Variants in PTCH2 observed in about 807,000 individuals in gnomAD.
PTCH2 encodes the protein protein patched homolog 2.
In PTCH2, 96 loss-of-function variants were observed where a neutral mutation model predicts 117.9. The ratio of observed to expected loss-of-function variants is 0.81; its 90% CI spans 0.69 to 0.96. The LOEUF is 0.96. Among genes scored for constraint, PTCH2 ranks in the 50% least tolerant of loss-of-function variants. PTCH2 has a pLI of 0.00. For synonymous variants in PTCH2, 615 were observed against 660.9 expected (o/e 0.93, Z 1.06); for missense variants, 1,379 against 1,562.5 (o/e 0.88, Z 1.98).
downstream of PTCH2, chr1:44,821,843 T>A: frequency 7.3e-7 from 1 of 1,364,892 alleles, no homozygotes; most frequent in Non-Finnish European, 9.8e-7. Context: ...AGCTAATACC[T>A]CAGGTCCTGG....
At chr1:44,837,700 TA>T (rs1185950226) in intron 2 of PTCH2, among the ~76,000 whole-genome samples, 3 of 152,036 alleles carry the variant, frequency 2.0e-5, no homozygotes, top group African/African-American at 7.2e-5. Flanking sequence ...ACGCCTGGCC[TA>T]AAAGCATTCT....
intron 2 of PTCH2, among the ~76,000 whole-genome samples, chr1:44,839,438 G>A (rs7554177): frequency 0.35 from 52,446 of 149,454 alleles, 9,420 homozygotes; most frequent in East Asian, 0.44. Flanking sequence ...GGACAAGAGT[G>A]ATATTCTGAA....
chr1:44,839,960 G>C (rs904683226), intron 2 of PTCH2, among the ~76,000 whole-genome samples: 1 of 152,046 alleles, frequency 6.6e-6, no homozygotes. Flanking sequence ...CTCCAACCTG[G>C]GTTCTGCCTT....
chr1:44,842,946 G>T lies in PTCH2; in HGVS notation c.-14C>A. 6.5e-7 allele frequency: 1 copy of T among 1,533,868 alleles called. No individual in the cohort carries two copies. The highest frequency in any genetic ancestry group is 1.2e-5 in the South Asian group (1 of 82,082). On this transcript the variant is annotated 5_prime_UTR_variant, in exon 1 of 22. Transcript: ENST00000372192. The stretch of plus-strand genomic sequence containing the variant: ...CGATCGAGTCATGCTGGCGGGGATG[G>T]GGGGCGCGGGCGCCCCCAACCCGCG...
intron 2 of PTCH2, 140 bp from the exon 3 acceptor site, chr1:44,832,481 G>C (rs1371944269): frequency 2.3e-6 from 2 of 863,880 alleles, no homozygotes; most frequent in Non-Finnish European, 3.6e-6. Context: ...ATCCCTGAGG[G>C]CCTGGTCATG....
At chr1:44,820,270 C>G, downstream of PTCH2, 1 of 440,630 alleles carries the variant, frequency 2.3e-6, no homozygotes, top group Non-Finnish European at 4.6e-6. Flanking sequence ...CACTGATCTC[C>G]TTTGCTCTCC....
intron 11 of PTCH2, 125 bp downstream of exon 11, chr1:44,828,856 TC>T: frequency 8.1e-7 from 1 of 1,238,602 alleles, no homozygotes; most frequent in African/African-American, 1.5e-5. Flanking sequence ...CACTATTATT[TC>T]CCCTGTTTAC....
Position 44,822,764 on chromosome 1 carries a change from C to G in PTCH2, c.3358-95G>C, listed in dbSNP as rs939734688. ...GGGGATTACCATGACTGTTGGGAAG[C>G]TGGGGCCCTTGTTGGTCTCCAGCAG... On this transcript the variant is annotated intron_variant, in intron 21 of 21. Transcript: ENST00000372192. 3 of 1,361,326 alleles carry G rather than the reference C, an allele frequency of 2.2e-6. No homozygotes were observed. In the African/African-American group the frequency reaches 4.3e-5, roughly 20 times the overall value. The allele number at this position is 1,361,326 out of a possible 1,614,324, so 84.3% of individuals were successfully genotyped here. A position where few individuals can be genotyped will look rare whatever the true frequency, so the allele number is the denominator to read the frequency against.
chr1:44,819,942 G>A (rs540658149), downstream of PTCH2: 108 of 153,374 alleles, frequency 7.0e-4, 1 homozygote, highest in South Asian at 1.9e-3. Context: ...TTCTCTCCAC[G>A]GAAATCTTTA....
intron 2 of PTCH2, among the ~76,000 whole-genome samples, chr1:44,840,217 C>T (rs1199000044): frequency 6.6e-6 from 1 of 150,956 alleles, no homozygotes; most frequent in African/African-American, 2.4e-5. Context: ...ATTCTCCTGT[C>T]TCCGCTTCCC....
At chr1:44,842,273 CCTTT>C (rs1653982438) in intron 1 of PTCH2, among the ~76,000 whole-genome samples, 1 of 125,576 alleles carries the variant, frequency 8.0e-6, no homozygotes, top group African/African-American at 3.1e-5. Flanking sequence ...TGTTTTCTCT[CCTTT>C]TTTTTTTTTT....
In PTCH2 at chr1:44,831,592, G is replaced by C; in HGVS notation, c.617+114C>G. 9.6e-7 allele frequency: 1 copy of C among 1,039,400 alleles called. No homozygotes were observed. Among genetic ancestry groups the C allele is most frequent in the Non-Finnish European group, 1.5e-6 (1 of 686,540 alleles). The allele number at this position is 1,039,400 out of a possible 1,614,324, so 64.4% of individuals were successfully genotyped here. On this transcript the variant is annotated intron_variant, in intron 5 of 21. Transcript: ENST00000372192. This position sits in a 1 kb window ranked among gnomAD's most constrained non-coding sequence, Gnocchi z 4.3. ...GCCCATGCTCTCTGTTCCTGGCCTGGGAGGTAATTAGGACCTTGGTAAGGT... is the reference window on the plus strand; with the variant it reads ...GCCCATGCTCTCTGTTCCTGGCCTGCGAGGTAATTAGGACCTTGGTAAGGT...
At chr1:44,825,684 G>A (rs915773626) in intron 19 of PTCH2, among the ~76,000 whole-genome samples, 13 of 151,288 alleles carry the variant, frequency 8.6e-5, no homozygotes, top group African/African-American at 2.2e-4. Context: ...GAGCCACCAC[G>A]CCCAGCTAAT....
At position 44,836,022 on chromosome 1, in the gene PTCH2, T is replaced by C. The variant is rs895033887; in HGVS notation, c.266-3681A>G. 5.3e-5 allele frequency among the ~76,000 whole-genome samples: 8 copies of C among 152,200 alleles called. 1 individual carries two copies. The highest frequency in any genetic ancestry group is 1.0e-4 in the Non-Finnish European group (7 of 68,002). On this transcript the variant is annotated intron_variant, in intron 2 of 21. Transcript: ENST00000372192. ...GGGGACTGACTTGGCCAGATGGAGA[T>C]TGGCCACAGGGTGGTGCTGTGGAGG...
chr1:44,820,683 C>T, downstream of PTCH2: 1 of 717,666 alleles, frequency 1.4e-6, no homozygotes, highest in Non-Finnish European at 2.6e-6. Flanking sequence ...GGGTGGGAGG[C>T]AGAGGCTAGA....
In PTCH2 at chr1:44,822,177, G is replaced by A; in HGVS notation, c.*238C>T. The A allele has an allele frequency of 7.0e-7, 1 of 1,432,786 alleles. No individual in the cohort carries two copies. Among genetic ancestry groups the A allele is most frequent in the East Asian group, 2.5e-5 (1 of 39,378 alleles). The allele number at this position is 1,432,786 out of a possible 1,614,324, so 88.8% of individuals were successfully genotyped here. A position where few individuals can be genotyped will look rare whatever the true frequency, so the allele number is the denominator to read the frequency against. On this transcript the variant is annotated 3_prime_UTR_variant, in exon 22 of 22. Transcript: ENST00000372192. ...GGAAGGGGGACAGGGCTGCACTGCA[G>A]CCCCAAGTGCCAGCTTTCACTCTCA...
intron 16 of PTCH2, 28 bp downstream of exon 16, chr1:44,827,139 T>C: frequency 2.5e-6 from 4 of 1,613,988 alleles, no homozygotes; most frequent in South Asian, 2.2e-5. Context: ...GCCCCTGTAC[T>C]AGTGGACCCC....
chr1:44,828,375 G>T lies in PTCH2; in HGVS notation c.1630C>A (p.Leu544Ile). Reference protein sequence around the residue: ...VVGCTFVAVMLVFPAILSLDL... With the variant: ...VVGCTFVAVMIVFPAILSLDL... ...AGGCTGAGGATGGCTGGGAAGACAA[G>T]CATCACGGCTACAAAGGTGCAGCCA... Residue 544 changes from leucine (L) to isoleucine (I), a missense_variant, in exon 13 of 22, where the codon CTT (leucine) becomes ATT (isoleucine). Leu to Ile is a conservative substitution (Grantham distance 5). Coordinates refer to ENST00000372192, the MANE Select transcript of PTCH2 (RefSeq NM_003738.5). 6.2e-7 allele frequency: 1 copy of T among 1,614,192 alleles called. No individual in the cohort carries two copies. The highest frequency in any genetic ancestry group is 8.5e-7 in the Non-Finnish European group (1 of 1,180,028).
rs200366479 is a variant in PTCH2, at chr1:44,830,958, G to A, written c.703C>T (p.Arg235Trp). ...ACCTGTGCCTTGTCTAGCAGCTCCC[G>A]GAAGCCCTCAAGGGAGGCAAAGGGA... is the stretch of plus-strand genomic sequence containing the variant. ...LGPFASLEGF[R>W]ELLDKAQVGQ... Residue 235 changes from arginine to tryptophan, a missense_variant, in exon 6 of 22, where the codon CGG becomes TGG. Physicochemically the swap from Arg to Trp is moderately radical, Grantham distance 101. Coordinates refer to ENST00000372192, the MANE Select transcript of PTCH2 (RefSeq NM_003738.5). 110 of 1,610,266 alleles carry A rather than the reference G, an allele frequency of 6.8e-5. No homozygotes were observed. The highest frequency in any genetic ancestry group is 1.2e-4 in the African/African-American group (9 of 74,976).
Sources: gnomAD v4.1 joint callset for allele counts (sites outside exome capture counted in the v4.1 genomes callset) on GRCh38, gnomAD v4.1.1 for gene constraint, Gnocchi (gnomAD v3.1) non-coding constraint, MANE v1.5 for transcripts, NCBI Gene and HGNC (gene_info 2026-07-23, HGNC 2026-07-21) for gene names.